The following CPEB2 variants were observed in gnomAD, a reference collection of about 807,000 sequenced individuals.
CPEB2 encodes the protein cytoplasmic polyadenylation element-binding protein 2.
Under a neutral mutation model 93.6 loss-of-function variants are expected in CPEB2, and 56 were observed. The ratio of observed to expected loss-of-function variants is 0.60; its 90% confidence interval spans 0.48 to 0.75. The LOEUF is 0.75. Ranked by LOEUF, CPEB2 falls within the 30% of genes least tolerant of loss-of-function variation. The pLI is 0.00. For synonymous variants in CPEB2, 764 were observed against 586.3 expected (o/e 1.30, Z -4.38); for missense variants, 1,579 against 1,395.1 (o/e 1.13, Z -2.10).
chr4:15,038,835 C>T (rs750536280), intron 5 of CPEB2, among the ~76,000 whole-genome samples: 2 of 152,104 alleles, frequency 1.3e-5, no homozygotes, highest in Non-Finnish European at 2.9e-5. Context: ...GTGATCCACC[C>T]GCCTCAGCTT....
chr4:15,017,286 AC>A lies in CPEB2; in HGVS notation c.2125+9del. ...AGCATGATCCTCTTAAGGGTAGGTGACTTTTTAAAAAAATATATGTTTATAT... is the reference window on the plus strand; with the variant it reads ...AGCATGATCCTCTTAAGGGTAGGTGATTTTTAAAAAAATATATGTTTATAT... On this transcript the variant is annotated intron_variant, in intron 4 of 11. Coordinates refer to ENST00000538197, the MANE Select transcript of CPEB2 (RefSeq NM_001177382.2). 6.7e-7 allele frequency: 1 copy of A among 1,490,846 alleles called. No individual in the cohort carries two copies. The highest frequency in any genetic ancestry group is 9.2e-7 in the Non-Finnish European group (1 of 1,085,882). 92.4% of individuals were successfully genotyped at this position (1,490,846 alleles called of 1,614,324 possible).
rs1333509259 is a variant in CPEB2, at chr4:15,068,911, G to A, written c.*2531G>A. ...TTCCCACCTCACCCCTACCTCTTTT[G>A]TTTTGTTTTGTTTTTGCCCTTTATG... is the stretch of plus-strand genomic sequence containing the variant. On this transcript the variant is annotated 3_prime_UTR_variant, in exon 12 of 12. Coordinates refer to ENST00000538197, the MANE Select transcript of CPEB2 (RefSeq NM_001177382.2). 2 of 146,426 alleles carry A rather than the reference G, an allele frequency of 1.4e-5. No homozygotes were observed. The highest frequency in any genetic ancestry group is 3.0e-5 in the Non-Finnish European group (2 of 66,614). The allele number at this position is 146,426 out of a possible 1,614,324, so 9.1% of individuals were successfully genotyped here. A position where few individuals can be genotyped will look rare whatever the true frequency, so the allele number is the denominator to read the frequency against.
intron 8 of CPEB2, among the ~76,000 whole-genome samples, chr4:15,055,584 C>T (rs970716281): frequency 6.6e-6 from 1 of 152,182 alleles, no homozygotes; most frequent in Non-Finnish European, 1.5e-5. Context: ...CTCCACATCT[C>T]TAGCCCTCTT....
In CPEB2 at chr4:15,003,654, C is replaced by A. The variant is rs892689783; in HGVS notation, c.981C>A (p.Asn327Lys). 1 of 1,476,352 alleles carries A rather than the reference C, an allele frequency of 6.8e-7. No homozygotes were observed. The highest frequency in any genetic ancestry group is 8.9e-7 in the Non-Finnish European group (1 of 1,117,372). 91.5% of individuals were successfully genotyped at this position (1,476,352 alleles called of 1,614,324 possible). Residue 327 changes from asparagine (N) to lysine (K), a missense_variant, in exon 1 of 12, where the codon AAC becomes AAA. Around this residue, in one of 2 missense-constraint regions of CPEB2, gnomAD observed 1,411 missense variants for 1,056.0 expected, o/e 1.34. Coordinates refer to ENST00000538197, the MANE Select transcript of CPEB2 (RefSeq NM_001177382.2). ...ACCCTCTGCTCAACAGTCCCAGTAA[C>A]CTCCTGCCCGGAGGTGCGCTTGGCG... is the stretch of plus-strand genomic sequence containing the variant. ...PNHPLLNSPS[N>K]LLPGGALGAG...
Position 15,003,676 on chromosome 4 carries a change from G to T in CPEB2, c.1003G>T (p.Gly335Cys), listed in dbSNP as rs1237028861. ...PSNLLPGGAL[G>C]AGAFSSLQSP... ...TAACCTCCTGCCCGGAGGTGCGCTT[G>T]GCGCGGGCGCCTTCAGCAGCCTGCA... Residue 335 changes from glycine to cysteine, a missense_variant, in exon 1 of 12, where the codon GGC (glycine) becomes TGC (cysteine). By Grantham distance (159) the Gly-to-Cys change is radical (BLOSUM62 -3). Around this residue, in one of 2 missense-constraint regions of CPEB2, gnomAD observed 1,411 missense variants for 1,056.0 expected, o/e 1.34. Transcript: ENST00000538197. 1.4e-6 allele frequency: 2 copies of T among 1,463,486 alleles called. No individual in the cohort carries two copies. The highest frequency in any genetic ancestry group is 1.8e-6 in the Non-Finnish European group (2 of 1,110,138). The allele number at this position is 1,463,486 out of a possible 1,614,324, so 90.7% of individuals were successfully genotyped here.
chr4:15,008,245 G>C (rs1723070221), intron 2 of CPEB2, 93 bp from the exon 3 acceptor site: 2 of 855,874 alleles, frequency 2.3e-6, no homozygotes, highest in African/African-American at 3.3e-5. Flanking sequence ...ATTTAAGATA[G>C]AGCTTTATTT....
At chr4:15,014,135 C>CTT (rs1723826663) in intron 3 of CPEB2, among the ~76,000 whole-genome samples, 3 of 152,006 alleles carry the variant, frequency 2.0e-5, no homozygotes, top group Non-Finnish European at 4.4e-5. Flanking sequence ...GTAGAGGGTA[C>CTT]TTTCCCCTAC....
intron 5 of CPEB2, among the ~76,000 whole-genome samples, chr4:15,034,164 T>C (rs1239781592): frequency 6.6e-6 from 1 of 152,114 alleles, no homozygotes; most frequent in Non-Finnish European, 1.5e-5. Context: ...ATGAGGTGAT[T>C]GATTTAATCA....
chr4:15,033,933 T>A (rs370252301), intron 5 of CPEB2, among the ~76,000 whole-genome samples: 3 of 124,990 alleles, frequency 2.4e-5, no homozygotes, highest in African/African-American at 4.3e-5. Flanking sequence ...TTTAAAAAAA[T>A]ATCATTAGAA....
chr4:15,043,490 T>C (rs943080580), intron 6 of CPEB2, among the ~76,000 whole-genome samples: 2 of 152,128 alleles, frequency 1.3e-5, no homozygotes, highest in Non-Finnish European at 2.9e-5. Context: ...AAACTACTTA[T>C]CATTTGTATT....
At chr4:15,055,752 C>T (rs1359083043) in intron 8 of CPEB2, among the ~76,000 whole-genome samples, 1 of 152,144 alleles carries the variant, frequency 6.6e-6, no homozygotes, top group Admixed American at 6.5e-5. Flanking sequence ...TTTCTAGCTT[C>T]TTCTACTATT....
At chr4:15,020,032 C>T (rs915720193) in intron 4 of CPEB2, among the ~76,000 whole-genome samples, 2 of 152,050 alleles carry the variant, frequency 1.3e-5, no homozygotes, top group Non-Finnish European at 2.9e-5. Context: ...TAAGATGGTA[C>T]ACTCACATGG....
chr4:15,008,326 A>G lies in CPEB2; in HGVS notation c.1945-12A>G, dbSNP rs768939954. 90 of 1,603,152 alleles carry G rather than the reference A, an allele frequency of 5.6e-5. No homozygotes were observed. The highest frequency in any genetic ancestry group is 8.3e-5 in the Admixed American group (5 of 59,926). On this transcript the variant is annotated splice_polypyrimidine_tract_variant and intron_variant, in intron 2 of 11. Transcript: ENST00000538197. The stretch of plus-strand genomic sequence containing the variant: ...CTGCTCATTTCTGATGAAAACTTCT[A>G]TGCTATTGAAGGTGAGATCTAGTTT...
chr4:15,029,726 G>A (rs1171209706), intron 4 of CPEB2, among the ~76,000 whole-genome samples: 2 of 152,082 alleles, frequency 1.3e-5, no homozygotes, highest in African/African-American at 4.8e-5. Flanking sequence ...TTCTAGAGTA[G>A]TATGGTGATT....
chr4:15,004,125 C>T lies in CPEB2; in HGVS notation c.1452C>T (p.Gly484=), dbSNP rs776402861. The T allele has an allele frequency of 8.6e-6, 13 of 1,514,208 alleles. No individual in the cohort carries two copies. The highest frequency in any genetic ancestry group is 6.1e-5 in the Admixed American group (3 of 49,528). The allele number at this position is 1,514,208 out of a possible 1,614,324, so 93.8% of individuals were successfully genotyped here. A position where few individuals can be genotyped will look rare whatever the true frequency, so the allele number is the denominator to read the frequency against. Residue 484 remains glycine, a synonymous_variant, in exon 1 of 12, where the codon GGC becomes GGT. Transcript: ENST00000538197. ...TCAGCGTTCCGACGAGCGGCGGCGG[C>T]GGCGGCGGCTTCGGCGGCCCCTTCT... ...TGLSVPTSGG[G]GGGFGGPFSA...
Position 15,058,393 on chromosome 4 carries a change from A to G in CPEB2, c.2462-28A>G, listed in dbSNP as rs770142577. The G allele has an allele frequency of 5.9e-6, 8 of 1,345,348 alleles. No individual in the cohort carries two copies. The African/African-American group carries it at 8.7e-5, about 15-fold the overall frequency. 83.3% of individuals were successfully genotyped at this position (1,345,348 alleles called of 1,614,324 possible). ...GGAGTAAAATCACTTGGCTTGACAT[A>G]TTGCCTCATCTTTAATGGTTATTCC... On this transcript the variant is annotated intron_variant, in intron 8 of 11. Transcript: ENST00000538197.
At chr4:15,015,580 T>C (rs1251965824) in intron 3 of CPEB2, among the ~76,000 whole-genome samples, 1 of 152,072 alleles carries the variant, frequency 6.6e-6, no homozygotes, top group African/African-American at 2.4e-5. Context: ...AATGAACATA[T>C]TCTTAGAAAA....
Position 15,068,550 on chromosome 4 carries a change from A to G in CPEB2, c.*2170A>G, listed in dbSNP as rs971946602. The stretch of plus-strand genomic sequence containing the variant: ...ATGACATCTCCTTTGCTATACCTCA[A>G]TTTTTGGAATTTAGAGAAGAAATCA... On this transcript the variant is annotated 3_prime_UTR_variant, in exon 12 of 12. Coordinates refer to ENST00000538197, the MANE Select transcript of CPEB2 (RefSeq NM_001177382.2). 2 of 152,136 alleles carry G rather than the reference A, an allele frequency of 1.3e-5. No individual in the cohort carries two copies. 9.4% of individuals were successfully genotyped at this position (152,136 alleles called of 1,614,324 possible).
chr4:15,010,733 A>G (rs920639620), intron 3 of CPEB2, among the ~76,000 whole-genome samples: 34 of 152,174 alleles, frequency 2.2e-4, no homozygotes, highest in Admixed American at 2.2e-3. Context: ...TATTTTTGTT[A>G]ACAAGTACAT....
Sources: gnomAD v4.1 joint callset for allele counts (sites outside exome capture counted in the v4.1 genomes callset) on GRCh38, gnomAD v4.1.1 for gene constraint, gnomAD v4.1.1 regional missense constraint, MANE v1.5 for transcripts, NCBI Gene and HGNC (gene_info 2026-07-23, HGNC 2026-07-21) for gene names.